Variants in ARHGEF10 observed in about 807,000 individuals in gnomAD.
ARHGEF10 encodes the protein Rho guanine nucleotide exchange factor 10.
A neutral mutation model predicts 147.4 loss-of-function variants in ARHGEF10; 140 were observed. That is an observed-to-expected ratio of 0.95 (90% CI 0.83 to 1.09). The LOEUF (loss-of-function observed/expected upper bound fraction) is 1.09, where lower values mean the gene tolerates loss of function less well. ARHGEF10 is among the 50% of genes least tolerant of loss of function. The probability of loss-of-function intolerance (pLI) is 0.00; values close to 1 mark genes in which losing one functional copy is unlikely to be tolerated. For missense variants in ARHGEF10, 2,222 were observed against 1,752.7 expected (o/e 1.27, Z -4.78); for synonymous variants, 902 against 695.8 (o/e 1.30, Z -4.67).
Position 1,958,161 on chromosome 8 carries a change from C to G in ARHGEF10, c.*898C>G, listed in dbSNP as rs1487526013. The G allele has an allele frequency of 6.6e-6, 1 of 152,286 alleles. No homozygotes were observed. The highest frequency in any genetic ancestry group is 1.5e-5 in the Non-Finnish European group (1 of 68,078). The allele number at this position is 152,286 out of a possible 1,614,324, so 9.4% of individuals were successfully genotyped here. On this transcript the variant is annotated 3_prime_UTR_variant, in exon 29 of 29. Coordinates refer to ENST00000349830, the MANE Select transcript of ARHGEF10 (RefSeq NM_014629.4). The stretch of plus-strand genomic sequence containing the variant: ...CCCCTGTTGACGTGGAATGCTGTGT[C>G]TGCTTTAGCACGCACGCTCCGAATG...
chr8:1,928,549 C>G lies in ARHGEF10; in HGVS notation c.2820C>G (p.Val940=), dbSNP rs767739640. The G allele has an allele frequency of 1.2e-6, 2 of 1,614,158 alleles. No homozygotes were observed. The highest frequency in any genetic ancestry group is 1.1e-5 in the South Asian group (1 of 91,078). The change falls in exon 24 of 29, where the codon GTC becomes GTG. Residue 940 remains valine (V), a synonymous_variant. Transcript: ENST00000349830. ...SRILCMLYVP[V]EEKRREPGAP... is the part of the protein sequence containing the mutation. ...TCCTGTGCATGCTGTACGTTCCCGTCGAGGAGAAGCGCAGAGAGCCTGGGG... is the reference window on the plus strand; with the variant it reads ...TCCTGTGCATGCTGTACGTTCCCGTGGAGGAGAAGCGCAGAGAGCCTGGGG...
At chr8:1,887,361 C>T (rs1808753716) in intron 11 of ARHGEF10, among the ~76,000 whole-genome samples, 1 of 152,214 alleles carries the variant, frequency 6.6e-6, no homozygotes, top group African/African-American at 2.4e-5. Context: ...GCGGCCTGAG[C>T]TGAAGACCAG....
intron 16 of ARHGEF10, among the ~76,000 whole-genome samples, 180 bp from the exon 17 acceptor site, chr8:1,905,391 G>A (rs1401159182): frequency 6.6e-6 from 1 of 152,158 alleles, no homozygotes; most frequent in Non-Finnish European, 1.5e-5. Context: ...GCCAACTGCG[G>A]TGAAAGTCTG....
intron 18 of ARHGEF10, among the ~76,000 whole-genome samples, chr8:1,911,846 C>T (rs1316129198): frequency 6.6e-6 from 1 of 152,202 alleles, no homozygotes; most frequent in East Asian, 1.9e-4. Context: ...ATGGGGCTGC[C>T]TGTAATACCT....
chr8:1,864,253 T>C (rs972016998), intron 4 of ARHGEF10, 120 bp from the exon 5 acceptor site: 6 of 992,424 alleles, frequency 6.0e-6, no homozygotes, highest in African/African-American at 1.6e-5. Flanking sequence ...ATCACCCTTA[T>C]GCTAAGATAA....
intron 8 of ARHGEF10, among the ~76,000 whole-genome samples, chr8:1,878,378 G>C (rs1807886743): frequency 6.6e-6 from 1 of 152,058 alleles, no homozygotes; most frequent in Non-Finnish European, 1.5e-5. Flanking sequence ...GTAGAGACGG[G>C]GTTTCACCAT....
chr8:1,954,062 C>T (rs910670840), intron 28 of ARHGEF10, among the ~76,000 whole-genome samples: 2 of 152,018 alleles, frequency 1.3e-5, no homozygotes, highest in African/African-American at 4.8e-5. Flanking sequence ...TTGAGGACCC[C>T]AAATCCAAAA....
chr8:1,920,735 A>G (rs1319250566), intron 18 of ARHGEF10, among the ~76,000 whole-genome samples: 2 of 152,090 alleles, frequency 1.3e-5, no homozygotes, highest in Non-Finnish European at 2.9e-5. Context: ...TTCTGTAAGG[A>G]TAAATAAAGT....
At chr8:1,944,855 T>A (rs4472563) in intron 26 of ARHGEF10, among the ~76,000 whole-genome samples, 22 of 152,144 alleles carry the variant, frequency 1.4e-4, no homozygotes, top group Non-Finnish European at 2.8e-4. Context: ...GAGGCCATGT[T>A]GGGGGGTCGC....
At chr8:1,950,448 C>A (rs149044814) in intron 27 of ARHGEF10, among the ~76,000 whole-genome samples, 1 of 152,214 alleles carries the variant, frequency 6.6e-6, no homozygotes, top group African/African-American at 2.4e-5. Flanking sequence ...AACTCTTTTA[C>A]GTCGTTCCTG....
chr8:1,856,510 C>G, intron 2 of ARHGEF10, among the ~76,000 whole-genome samples: 1 of 152,212 alleles, frequency 6.6e-6, no homozygotes, highest in Non-Finnish European at 1.5e-5. Flanking sequence ...AATGAAACAC[C>G]TCAAATTTAA....
intron 13 of ARHGEF10, among the ~76,000 whole-genome samples, chr8:1,895,484 A>T (rs1585437508): frequency 6.6e-6 from 1 of 152,212 alleles, no homozygotes; most frequent in South Asian, 2.1e-4. Context: ...ATGGAAACAA[A>T]ATTCTTTCAA....
intron 7 of ARHGEF10, among the ~76,000 whole-genome samples, chr8:1,875,281 G>C (rs28455123): frequency 2.6e-5 from 4 of 151,156 alleles, no homozygotes; most frequent in East Asian, 1.9e-4. Flanking sequence ...TCTAAGACAG[G>C]CTGGAGGAAC....
Position 1,957,535 on chromosome 8 carries a change from A to C in ARHGEF10, c.*272A>C. 1.8e-6 allele frequency: 1 copy of C among 560,886 alleles called. No individual in the cohort carries two copies. 34.7% of individuals were successfully genotyped at this position (560,886 alleles called of 1,614,324 possible). On this transcript the variant is annotated 3_prime_UTR_variant, in exon 29 of 29. Transcript: ENST00000349830. The stretch of plus-strand genomic sequence containing the variant: ...GAGTGCAGTTCTGGGAAAATACCAC[A>C]TTCTTTTTGACTGCTGTAGTCCATA...
At chr8:1,930,503 C>G (rs3779703) in intron 25 of ARHGEF10, among the ~76,000 whole-genome samples, 20,969 of 151,932 alleles carry the variant, frequency 0.14, 1,486 homozygotes, top group Admixed American at 0.18. Flanking sequence ...CCCGCCCCCC[C>G]GCTGAAAATT....
intron 27 of ARHGEF10, chr8:1,945,920 G>GGGAGGAGCCGCGTGC: frequency 2.9e-5 from 1 of 34,694 alleles, no homozygotes; most frequent in Non-Finnish European, 6.1e-5. Flanking sequence ...GAGCCGCGTG[G>GGGAGGAGCCGCGTGC]CAGTGCCATC....
rs77181926 is a variant in ARHGEF10 at position 1,875,421 on chromosome 8, G to C, written c.680-1150G>C. ...AGGATGACTCTTGGCTCTTGGGCAT[G>C]TGGGTGAGCTCTCAGGATGATGCCC... On this transcript the variant is annotated intron_variant, in intron 7 of 28. Coordinates refer to ENST00000349830, the MANE Select transcript of ARHGEF10 (RefSeq NM_014629.4). 4.0e-3 allele frequency among the ~76,000 whole-genome samples: 615 copies of C among 152,242 alleles called. 13 individuals are homozygous for C. The highest frequency in any genetic ancestry group is 0.032 in the Admixed American group (494 of 15,294).
In ARHGEF10 at chr8:1,865,593, C is replaced by T. The variant is rs145215993; in HGVS notation, c.546-933C>T. On this transcript the variant is annotated intron_variant, in intron 5 of 28. Coordinates refer to ENST00000349830, the MANE Select transcript of ARHGEF10 (RefSeq NM_014629.4). ...AGGGCATGGGGCATCCCGCAGCACC[C>T]ACAGGGCCATCACCAGGACACGGGC... Among the ~76,000 whole-genome samples, 938 of 152,354 alleles carry T rather than the reference C, an allele frequency of 6.2e-3. 6 individuals are homozygous for T. The highest frequency in any genetic ancestry group is 9.6e-3 in the Non-Finnish European group (653 of 68,014).
intron 15 of ARHGEF10, 54 bp from the exon 16 acceptor site, chr8:1,903,227 T>C: frequency 6.2e-7 from 1 of 1,603,998 alleles, no homozygotes; most frequent in Non-Finnish European, 8.5e-7. Context: ...GCGACTGTTG[T>C]TGCACTGGGA....
Sources: gnomAD v4.1 joint callset for allele counts (sites outside exome capture counted in the v4.1 genomes callset) on GRCh38, gnomAD v4.1.1 for gene constraint, MANE v1.5 for transcripts, NCBI Gene and HGNC (gene_info 2026-07-23, HGNC 2026-07-21) for gene names.